The following C14orf180 variants were observed in gnomAD, a reference collection of about 807,000 sequenced individuals.
The protein encoded by C14orf180 is chromosome 14 open reading frame 180.
In C14orf180, 13 loss-of-function variants were observed where a neutral mutation model predicts 13.9. That is an observed-to-expected ratio of 0.94 (90% CI 0.61 to 1.49). C14orf180 has a LOEUF of 1.49. C14orf180 is among the 40% of genes most tolerant of loss of function. C14orf180 has a pLI of 0.00. For synonymous variants in C14orf180, 113 were observed against 106.3 expected, an observed-to-expected ratio of 1.06 and a Z score of -0.39; for missense variants, 238 against 232.0, an observed-to-expected ratio of 1.03 and a Z score of -0.17.
At chr14:104,581,660 A>G (rs1388888354) in intron 1 of C14orf180, 1 of 147,526 alleles carries the variant, frequency 6.8e-6, no homozygotes, top group African/African-American at 2.6e-5. Flanking sequence ...AGAGAGAGAG[A>G]GAGAGTATGT....
At chr14:104,584,104 C>T (rs547540843) in intron 1 of C14orf180, among the ~76,000 whole-genome samples, 2 of 152,212 alleles carry the variant, frequency 1.3e-5, no homozygotes, top group African/African-American at 4.8e-5. Flanking sequence ...GGGTGAATAG[C>T]GAGAGCTGCT....
intron 1 of C14orf180, among the ~76,000 whole-genome samples, chr14:104,584,944 C>T (rs1227565969): frequency 6.6e-6 from 1 of 152,184 alleles, no homozygotes; most frequent in Non-Finnish European, 1.5e-5. Flanking sequence ...CTGCTGGAGT[C>T]ACTGCAGTAT....
rs768313484 is a variant in C14orf180 at position 104,587,743 on chromosome 14, C to T, written c.112-6C>T. ...CTCACCAGTCTGCTTCCCGCCCCCA[C>T]ACCAGGAGGACAACAGGAAGTGCCC... On this transcript the variant is annotated splice_polypyrimidine_tract_variant and splice_region_variant and intron_variant, in intron 2 of 4. Coordinates refer to ENST00000557649, the MANE Select transcript of C14orf180 (RefSeq NM_001008404.3). The T allele has an allele frequency of 1.2e-6, 2 of 1,612,226 alleles. No individual in the cohort carries two copies. Among genetic ancestry groups the T allele is most frequent in the Non-Finnish European group, 1.7e-6 (2 of 1,179,462 alleles).
chr14:104,585,655 G>A (rs1886590869), intron 1 of C14orf180, among the ~76,000 whole-genome samples: 1 of 151,838 alleles, frequency 6.6e-6, no homozygotes, highest in South Asian at 2.1e-4. Flanking sequence ...AGAGAGGAAG[G>A]GGGACAGAGA....
chr14:104,582,370 C>T (rs888485738), intron 1 of C14orf180, among the ~76,000 whole-genome samples: 4 of 152,172 alleles, frequency 2.6e-5, no homozygotes, highest in African/African-American at 7.2e-5. Flanking sequence ...CTGCCACGGC[C>T]GCTGGGCTCC....
chr14:104,586,446 G>A lies in C14orf180; in HGVS notation c.16G>A (p.Gly6Arg). The A allele has an allele frequency of 6.5e-7, 1 of 1,537,936 alleles. No homozygotes were observed. The highest frequency in any genetic ancestry group is 8.8e-7 in the Non-Finnish European group (1 of 1,140,782). The change falls in exon 2 of 5, where the codon GGA (glycine) becomes AGA (arginine). Residue 6 changes from glycine (G) to arginine (R), a missense_variant. Coordinates refer to ENST00000557649, the MANE Select transcript of C14orf180 (RefSeq NM_001008404.3). Reference sequence around the variant, plus strand: ...GTTCCAGTAAATGAGGACTGCAGCAGGAGCCGTGAGCCCTGACTCCCGGCC... The same window carrying A: ...GTTCCAGTAAATGAGGACTGCAGCAAGAGCCGTGAGCCCTGACTCCCGGCC... MRTAAGAVSPDSRPET... is the reference protein window; with the variant it reads MRTAARAVSPDSRPET...
Position 104,588,772 on chromosome 14 carries a change from C to T in C14orf180, c.472C>T (p.Leu158=). 1 of 1,520,476 alleles carries T rather than the reference C, an allele frequency of 6.6e-7. No homozygotes were observed. The highest frequency in any genetic ancestry group is 8.7e-7 in the Non-Finnish European group (1 of 1,143,976). The allele number at this position is 1,520,476 out of a possible 1,614,324, so 94.2% of individuals were successfully genotyped here. ...GGCCCTCACCTGCTGGCGCGGCCTCCTGCGGCTCTGACGGGCAGGACGGGC... is the reference window on the plus strand; with the variant it reads ...GGCCCTCACCTGCTGGCGCGGCCTCTTGCGGCTCTGACGGGCAGGACGGGC... The part of the protein sequence containing the change: ...HVALTCWRGL[L]RL Residue 158 remains leucine, a synonymous_variant, in exon 5 of 5, where the codon CTG becomes TTG. Transcript: ENST00000557649.
At position 104,588,785 on chromosome 14, in the gene C14orf180, G is replaced by C; in HGVS notation, c.*2G>C. On this transcript the variant is annotated 3_prime_UTR_variant, in exon 5 of 5. Transcript: ENST00000557649. ...TGGCGCGGCCTCCTGCGGCTCTGACGGGCAGGACGGGCAGGACGGGCAGGG... is the reference window on the plus strand; with the variant it reads ...TGGCGCGGCCTCCTGCGGCTCTGACCGGCAGGACGGGCAGGACGGGCAGGG... The C allele has an allele frequency of 4.1e-6, 2 of 486,360 alleles. No homozygotes were observed. The highest frequency in any genetic ancestry group is 5.0e-6 in the Non-Finnish European group (2 of 398,242). 30.1% of individuals were successfully genotyped at this position (486,360 alleles called of 1,614,324 possible).
Position 104,588,280 on chromosome 14 carries a change from C to A in C14orf180, c.248C>A (p.Ala83Asp). 6.2e-7 allele frequency: 1 copy of A among 1,614,004 alleles called. No individual in the cohort carries two copies. Among genetic ancestry groups the A allele is most frequent in the Non-Finnish European group, 8.5e-7 (1 of 1,180,010 alleles). ...EPPAVTVHYIADKNATATVRV... is the reference protein window; with the variant it reads ...EPPAVTVHYIDDKNATATVRV... ...TCTCCATTCTCTTTCGCAGACATTG[C>A]TGACAAGAACGCCACAGCCACTGTC... The change falls in exon 4 of 5, where the codon GCT becomes GAT. Residue 83 changes from alanine (A) to aspartate (D), a missense_variant. Coordinates refer to ENST00000557649, the MANE Select transcript of C14orf180 (RefSeq NM_001008404.3).
At chr14:104,580,800 C>T (rs1886407663) in intron 1 of C14orf180, among the ~76,000 whole-genome samples, 1 of 152,272 alleles carries the variant, frequency 6.6e-6, no homozygotes, top group East Asian at 1.9e-4. Context: ...CAAACAGCCC[C>T]CATTCCACAT....
At chr14:104,585,719 A>G (rs376258081) in intron 1 of C14orf180, among the ~76,000 whole-genome samples, 5 of 121,600 alleles carry the variant, frequency 4.1e-5, no homozygotes, top group Non-Finnish European at 7.4e-5. Flanking sequence ...ACAGAGATGG[A>G]GACAGAGAGA....
At chr14:104,587,461 C>T (rs1048607716) in intron 2 of C14orf180, among the ~76,000 whole-genome samples, 26 of 152,208 alleles carry the variant, frequency 1.7e-4, no homozygotes, top group African/African-American at 5.8e-4. Flanking sequence ...AGCCTGCATC[C>T]GAGACAGCGG....
chr14:104,586,571 G>A (rs1231158702), intron 2 of C14orf180, 30 bp downstream of exon 2: 2 of 1,416,894 alleles, frequency 1.4e-6, no homozygotes, highest in South Asian at 1.4e-5. Context: ...CACAGCTTCT[G>A]CAAGCTGGCC....
chr14:104,582,021 A>AGTG (rs1886454947), intron 1 of C14orf180, among the ~76,000 whole-genome samples: 3 of 137,392 alleles, frequency 2.2e-5, no homozygotes, highest in African/African-American at 1.1e-4. Context: ...CCGAGGAAGG[A>AGTG]CCTCCCATGT....
chr14:104,583,197 G>T (rs1250928692), intron 1 of C14orf180, among the ~76,000 whole-genome samples: 1 of 152,202 alleles, frequency 6.6e-6, no homozygotes, highest in South Asian at 2.1e-4. Flanking sequence ...CCCACGTGAA[G>T]GTGCATCTCT....
chr14:104,588,951 AC>A lies in C14orf180; in HGVS notation c.*169del. ...GGGGGACCCCGTGGCGTGAGATCGG[AC>A]ATGGGGGGCACAGCAGGCGGCCCCG... On this transcript the variant is annotated 3_prime_UTR_variant, in exon 5 of 5. Transcript: ENST00000557649. The A allele has an allele frequency of 7.3e-7, 1 of 1,364,534 alleles. No homozygotes were observed. Among genetic ancestry groups the A allele is most frequent in the South Asian group, 1.5e-5 (1 of 65,236 alleles). 84.5% of individuals were successfully genotyped at this position (1,364,534 alleles called of 1,614,324 possible).
At chr14:104,587,699 A>T in intron 2 of C14orf180, 50 bp from the exon 3 acceptor site, 1 of 1,601,896 alleles carries the variant, frequency 6.2e-7, no homozygotes, top group Non-Finnish European at 8.5e-7. Context: ...CCTGGGTACC[A>T]GCGGCCTCCC....
chr14:104,586,894 G>C (rs898028747), intron 2 of C14orf180, among the ~76,000 whole-genome samples: 48 of 152,312 alleles, frequency 3.2e-4, no homozygotes, highest in African/African-American at 9.9e-4. Context: ...CAGTGTTAGG[G>C]TTAGGGGCCC....
At chr14:104,587,492 T>C (rs1487408113) in intron 2 of C14orf180, among the ~76,000 whole-genome samples, 1 of 151,876 alleles carries the variant, frequency 6.6e-6, no homozygotes, top group African/African-American at 2.4e-5. Context: ...AGAGGTTCAG[T>C]GGGGACTTGC....
Sources: allele counts gnomAD v4.1 joint callset (sites outside exome capture counted in the v4.1 genomes callset), GRCh38; gene constraint gnomAD v4.1.1; transcripts MANE v1.5; gene names NCBI Gene and HGNC (gene_info 2026-07-23, HGNC 2026-07-21).